SVOP: variants seen among roughly 807,000 people sequenced by gnomAD.
The protein encoded by SVOP is SV2 related protein.
A neutral mutation model predicts 69.1 loss-of-function variants in SVOP; 17 were observed. The observed-to-expected ratio is 0.25, with a 90% CI of 0.17 to 0.37. The LOEUF is 0.37. SVOP is among the 10% of genes least tolerant of loss of function. SVOP has a pLI of 1.00. For synonymous variants in SVOP, 238 were observed against 238.6 expected, an observed-to-expected ratio of 1.00 and a Z score of 0.02; for missense variants, 435 against 597.5, an observed-to-expected ratio of 0.73 and a Z score of 2.84.
chr12:108,977,344 C>T, intron 4 of SVOP, 54 bp downstream of exon 4: 3 of 1,517,152 alleles, frequency 2.0e-6, no homozygotes, highest in Admixed American at 2.0e-5. Flanking sequence ...TCCCACAGGA[C>T]ACCCCAGGGG....
intron 1 of SVOP, among the ~76,000 whole-genome samples, chr12:109,011,168 G>A (rs1166491456): frequency 6.6e-6 from 1 of 151,292 alleles, no homozygotes; most frequent in Non-Finnish European, 1.5e-5. Context: ...TCCCACATTG[G>A]CCCCCACCAA....
chr12:108,962,781 A>G (rs768291940), intron 5 of SVOP, among the ~76,000 whole-genome samples: 18 of 152,258 alleles, frequency 1.2e-4, no homozygotes, highest in Non-Finnish European at 2.2e-4. Context: ...CCTGGCCAAC[A>G]TGGTGAAGCC....
rs2058266764 is a variant in SVOP at position 109,009,308 on chromosome 12, A to G, written c.35+11526T>C. ...TCACTCATTCATTTAACAACCATAC[A>G]GAGGGGACCCTCTCTGTGTCAGATT... On this transcript the variant is annotated intron_variant, in intron 1 of 15. Transcript: ENST00000610966. 1.3e-5 allele frequency among the ~76,000 whole-genome samples: 2 copies of G among 151,974 alleles called. 1 individual carries two copies. The highest frequency in any genetic ancestry group is 6.4e-3 in the Middle Eastern group (2 of 314).
intron 12 of SVOP, 34 bp from the exon 13 acceptor site, chr12:108,919,820 C>T (rs769850082): frequency 4.7e-5 from 67 of 1,430,568 alleles, no homozygotes; most frequent in Non-Finnish European, 5.7e-5. Flanking sequence ...AGGCAGCTTC[C>T]GATGTGATTC....
At chr12:108,928,262 A>C in intron 11 of SVOP, among the ~76,000 whole-genome samples, 1 of 150,888 alleles carries the variant, frequency 6.6e-6, no homozygotes, top group Admixed American at 6.6e-5. Flanking sequence ...GGCTCCTCTG[A>C]GTCTTTTTAA....
chr12:108,990,235 A>G (rs1022381128), intron 1 of SVOP, among the ~76,000 whole-genome samples: 17 of 152,230 alleles, frequency 1.1e-4, no homozygotes, highest in African/African-American at 4.1e-4. Flanking sequence ...AGCAGGAATC[A>G]AAAGGCACAG....
At chr12:108,976,208 A>G (rs2040105520) in intron 4 of SVOP, among the ~76,000 whole-genome samples, 1 of 152,168 alleles carries the variant, frequency 6.6e-6, no homozygotes, top group African/African-American at 2.4e-5. Context: ...CTAAACCACA[A>G]AAACACAGGT....
intron 1 of SVOP, among the ~76,000 whole-genome samples, chr12:109,001,364 A>G (rs2135621407): frequency 2.0e-5 from 3 of 150,614 alleles, no homozygotes; most frequent in East Asian, 3.9e-4. Flanking sequence ...AATCAATATC[A>G]TGAAAATGGC....
At position 108,938,745 on chromosome 12, in the gene SVOP, G is replaced by A. The variant is rs2039870920; in HGVS notation, c.897+82C>T. On this transcript the variant is annotated intron_variant, in intron 9 of 15. Transcript: ENST00000610966. The stretch of plus-strand genomic sequence containing the variant: ...CACATACCCACATGTGTCCTCGCAT[G>A]CATGCCCTACTCCATATGCACACAC... The A allele has an allele frequency of 1.9e-6, 3 of 1,593,400 alleles. No individual in the cohort carries two copies. In the East Asian group the frequency reaches 6.7e-5, roughly 36 times the overall value.
At chr12:108,929,914 A>AG (rs2039805179) in intron 11 of SVOP, among the ~76,000 whole-genome samples, 3 of 152,292 alleles carry the variant, frequency 2.0e-5, no homozygotes, top group African/African-American at 7.2e-5. Flanking sequence ...CCAAAGTGAC[A>AG]CAGGTACTTG....
Position 109,017,837 on chromosome 12 carries a change from C to T in SVOP, c.35+2997G>A, listed in dbSNP as rs1038070557. Reference sequence around the variant, plus strand: ...GGGATTATAGGCATGACCCACTGCACCTGGCCACATATTTTCTATTGTATA... The same window carrying T: ...GGGATTATAGGCATGACCCACTGCATCTGGCCACATATTTTCTATTGTATA... On this transcript the variant is annotated intron_variant, in intron 1 of 15. Transcript: ENST00000610966. 6.6e-5 allele frequency among the ~76,000 whole-genome samples: 10 copies of T among 152,144 alleles called. No individual in the cohort carries two copies. In the South Asian group the frequency reaches 1.2e-3, roughly 19 times the overall value.
chr12:108,953,633 G>T (rs1214775937), intron 6 of SVOP, among the ~76,000 whole-genome samples: 1 of 152,100 alleles, frequency 6.6e-6, no homozygotes, highest in East Asian at 1.9e-4. Context: ...CCAACTAAAT[G>T]TTTCTAAATA....
chr12:108,996,968 C>T (rs61935518), intron 1 of SVOP, among the ~76,000 whole-genome samples: 27 of 152,060 alleles, frequency 1.8e-4, no homozygotes, highest in Non-Finnish European at 3.4e-4. Context: ...CCAAGATGGC[C>T]GAATAGGAAC....
chr12:109,021,038 G>C lies in SVOP; in HGVS notation c.-170C>G. The stretch of plus-strand genomic sequence containing the variant: ...GCTGGGGACCAGCCCACGAGACAAA[G>C]CCTCCGCCGCCAGGAGACCGCGGCG... On this transcript the variant is annotated 5_prime_UTR_variant, in exon 1 of 16. Transcript: ENST00000610966. The C allele has an allele frequency of 3.7e-6, 2 of 543,410 alleles. No individual in the cohort carries two copies. Among genetic ancestry groups the C allele is most frequent in the South Asian group, 4.6e-5 (2 of 43,806 alleles). 33.7% of individuals were successfully genotyped at this position (543,410 alleles called of 1,614,324 possible). A position where few individuals can be genotyped will look rare whatever the true frequency, so the allele number is the denominator to read the frequency against.
intron 11 of SVOP, among the ~76,000 whole-genome samples, chr12:108,932,864 A>G (rs954686152): frequency 1.3e-5 from 2 of 151,916 alleles, no homozygotes; most frequent in African/African-American, 4.8e-5. Context: ...AAAATATTTT[A>G]CTCCCAAATA....
intron 12 of SVOP, among the ~76,000 whole-genome samples, chr12:108,922,444 C>T (rs2039754789): frequency 1.3e-5 from 2 of 152,282 alleles, no homozygotes; most frequent in South Asian, 4.1e-4. Flanking sequence ...GTCTCTGACC[C>T]AGGAGTCTCA....
chr12:108,912,991 T>C (rs1185177586), intron 15 of SVOP, among the ~76,000 whole-genome samples: 1 of 152,162 alleles, frequency 6.6e-6, no homozygotes, highest in African/African-American at 2.4e-5. Context: ...GTGCCATGCT[T>C]GTACAGCCTG....
intron 4 of SVOP, among the ~76,000 whole-genome samples, chr12:108,972,685 A>G (rs1324198457): frequency 6.6e-6 from 1 of 152,220 alleles, no homozygotes; most frequent in Non-Finnish European, 1.5e-5. Flanking sequence ...CCCATTTTAC[A>G]GATGAGGGAA....
Position 108,994,978 on chromosome 12 carries a change from C to CA in SVOP, c.36-11218dup, listed in dbSNP as rs1262138028. On this transcript the variant is annotated intron_variant, in intron 1 of 15. Transcript: ENST00000610966. ...CAACATAGTAAGACCCTCATCTCAA[C>CA]AAAAAATTTTTAAAAAATTAGCTGG... Among the ~76,000 whole-genome samples, 18 of 151,682 alleles carry CA rather than the reference C, an allele frequency of 1.2e-4. No homozygotes were observed. In the South Asian group the frequency reaches 3.4e-3, roughly 28 times the overall value.
Sources: allele counts gnomAD v4.1 joint callset (sites outside exome capture counted in the v4.1 genomes callset), GRCh38; gene constraint gnomAD v4.1.1; transcripts MANE v1.5; gene names NCBI Gene and HGNC (gene_info 2026-07-23, HGNC 2026-07-21).